The following INPP4B variants were observed in gnomAD, a reference collection of about 807,000 sequenced individuals.
The protein encoded by INPP4B is inositol polyphosphate 4-phosphatase type II.
A neutral mutation model predicts 122.5 loss-of-function variants in INPP4B; 55 were observed. The ratio of observed to expected loss-of-function variants is 0.45; its 90% CI spans 0.36 to 0.56. The LOEUF (loss-of-function observed/expected upper bound fraction) is 0.56, where lower values mean the gene tolerates loss of function less well. INPP4B is among the 20% of genes least tolerant of loss of function. INPP4B has a pLI of 0.00. For synonymous variants in INPP4B, 403 were observed against 388.7 expected, an observed-to-expected ratio of 1.04 and a Z score of -0.43; for missense variants, 1,000 against 1,097.7, an observed-to-expected ratio of 0.91 and a Z score of 1.26.
rs192086836 is a variant in INPP4B at position 142,550,065 on chromosome 4, G to A, written c.-190-87339C>T. ...CAACTGTCCTTTTGTTTAAAATGAT[G>A]AATGAGGCTCCCAGGGGGTAAATGA... is the stretch of plus-strand genomic sequence containing the variant. On this transcript the variant is annotated intron_variant, in intron 2 of 25. Coordinates refer to ENST00000262992, the MANE Select transcript of INPP4B (RefSeq NM_001101669.3). Among the ~76,000 whole-genome samples, 7 of 152,258 alleles carry A rather than the reference G, an allele frequency of 4.6e-5. No homozygotes were observed. In the East Asian group the frequency reaches 1.4e-3, roughly 29 times the overall value.
At chr4:142,391,580 AAC>A (rs1797692904) in intron 7 of INPP4B, among the ~76,000 whole-genome samples, 1 of 149,676 alleles carries the variant, frequency 6.7e-6, no homozygotes, top group African/African-American at 2.6e-5. Context: ...CAAAAAACAA[AAC>A]AAACAAAACA....
chr4:142,444,494 AAGTC>A (rs1250996540), intron 3 of INPP4B, among the ~76,000 whole-genome samples: 2 of 152,160 alleles, frequency 1.3e-5, no homozygotes, highest in African/African-American at 2.4e-5. Flanking sequence ...GATCATTAAA[AAGTC>A]AGGAAACAAC....
At chr4:142,089,287 T>C (rs1315540130) in intron 23 of INPP4B, among the ~76,000 whole-genome samples, 1 of 152,120 alleles carries the variant, frequency 6.6e-6, no homozygotes, top group Non-Finnish European at 1.5e-5. Context: ...TTTCAAACAG[T>C]TTTGAAAGCA....
At chr4:142,556,414 G>A (rs1040321879) in intron 2 of INPP4B, among the ~76,000 whole-genome samples, 2 of 152,202 alleles carry the variant, frequency 1.3e-5, no homozygotes, top group African/African-American at 4.8e-5. Context: ...TTTTTAAAAT[G>A]AGGACATGGG....
chr4:142,459,195 T>C (rs1159008829), intron 3 of INPP4B, among the ~76,000 whole-genome samples: 12 of 151,940 alleles, frequency 7.9e-5, no homozygotes, highest in Non-Finnish European at 1.5e-5. Flanking sequence ...GAAAGAGGCA[T>C]TCACATATTA....
intron 2 of INPP4B, among the ~76,000 whole-genome samples, chr4:142,722,842 C>T (rs1243535538): frequency 1.3e-5 from 2 of 152,114 alleles, no homozygotes; most frequent in Non-Finnish European, 2.9e-5. Context: ...CTATTTCTAA[C>T]TCTCATTTAA....
At chr4:142,725,769 C>A (rs1580782768) in intron 2 of INPP4B, 70 bp downstream of exon 2, 2 of 396,270 alleles carry the variant, frequency 5.0e-6, no homozygotes, top group South Asian at 1.3e-4. Context: ...AACGAATAAT[C>A]AAGGAAAGTC....
intron 14 of INPP4B, among the ~76,000 whole-genome samples, chr4:142,202,081 T>C (rs1305096223): frequency 6.6e-6 from 1 of 152,052 alleles, no homozygotes; most frequent in African/African-American, 2.4e-5. Context: ...AAAAATTGTC[T>C]TTGGCTTTGT....
intron 1 of INPP4B, among the ~76,000 whole-genome samples, chr4:142,753,109 G>A: frequency 6.6e-6 from 1 of 152,156 alleles, no homozygotes; most frequent in East Asian, 1.9e-4. Flanking sequence ...GTAAGAATAA[G>A]CATTTTACTG....
At chr4:142,754,098 A>G (rs1343494987) in intron 1 of INPP4B, among the ~76,000 whole-genome samples, 1 of 152,114 alleles carries the variant, frequency 6.6e-6, no homozygotes, top group Non-Finnish European at 1.5e-5. Flanking sequence ...TTAATGCCGT[A>G]GATGCCAATT....
At chr4:142,511,672 T>C (rs958244006) in intron 2 of INPP4B, among the ~76,000 whole-genome samples, 3 of 152,250 alleles carry the variant, frequency 2.0e-5, no homozygotes, top group East Asian at 3.9e-4. Flanking sequence ...TCAGAATACT[T>C]AGGCTGGGAC....
chr4:142,154,256 A>C (rs1815987730), intron 17 of INPP4B, among the ~76,000 whole-genome samples: 1 of 152,108 alleles, frequency 6.6e-6, no homozygotes, highest in South Asian at 2.1e-4. Flanking sequence ...AGTCACTTTC[A>C]ATTTATATTT....
intron 2 of INPP4B, among the ~76,000 whole-genome samples, chr4:142,493,997 G>C (rs1425538): frequency 0.17 from 25,216 of 152,062 alleles, 2,318 homozygotes; most frequent in East Asian, 0.36. Flanking sequence ...CTTCCATGCT[G>C]TTCTTGGGAC....
At chr4:142,680,326 G>A (rs187287344) in intron 2 of INPP4B, among the ~76,000 whole-genome samples, 9 of 151,812 alleles carry the variant, frequency 5.9e-5, no homozygotes, top group Admixed American at 1.3e-4. Context: ...TACCTACACC[G>A]TGCCAAATCC....
chr4:142,631,725 ACT>A (rs1747996484), intron 2 of INPP4B, among the ~76,000 whole-genome samples: 1 of 152,120 alleles, frequency 6.6e-6, no homozygotes, highest in South Asian at 2.1e-4. Context: ...AGCAACAATT[ACT>A]CTGTCAGCTA....
chr4:142,236,565 A>T (rs1856777210), intron 12 of INPP4B, among the ~76,000 whole-genome samples: 1 of 151,934 alleles, frequency 6.6e-6, no homozygotes, highest in Admixed American at 6.6e-5. Flanking sequence ...TCACTCTGCT[A>T]CTCTCAAATA....
chr4:142,363,519 A>G (rs997202868), intron 7 of INPP4B, among the ~76,000 whole-genome samples: 122 of 152,014 alleles, frequency 8.0e-4, no homozygotes, highest in African/African-American at 2.8e-3. Flanking sequence ...TGAGCCTCAC[A>G]TGCTTCTGAG....
intron 2 of INPP4B, among the ~76,000 whole-genome samples, chr4:142,698,091 A>G (rs1000217059): frequency 6.6e-6 from 1 of 152,156 alleles, no homozygotes; most frequent in African/African-American, 2.4e-5. Context: ...TGCTTATAAA[A>G]CACTCAAGCT....
Position 142,112,654 on chromosome 4 carries a change from G to C in INPP4B, c.2164C>G (p.Pro722Ala). The C allele has an allele frequency of 1.2e-6, 2 of 1,612,920 alleles. No individual in the cohort carries two copies. Among genetic ancestry groups the C allele is most frequent in the Non-Finnish European group, 8.5e-7 (1 of 1,179,384 alleles). Residue 722 changes from proline (P) to alanine (A), a missense_variant, in exon 22 of 26, where the codon CCA (proline) becomes GCA (alanine). By Grantham distance (27) the Pro-to-Ala change is conservative. Coordinates refer to ENST00000262992, the MANE Select transcript of INPP4B (RefSeq NM_001101669.3). ...REHYVVEVKL[P>A]ARMFESLPLQ... ...GGTAGTGACTCAAACATTCTGGCTG[G>C]AAGCTTGACCTCTACCACGTAATGT...
Sources: gnomAD v4.1 joint callset for allele counts (sites outside exome capture counted in the v4.1 genomes callset) on GRCh38, gnomAD v4.1.1 for gene constraint, MANE v1.5 for transcripts, NCBI Gene and HGNC (gene_info 2026-07-23, HGNC 2026-07-21) for gene names.